The following TMEM132B variants were observed in gnomAD, a reference collection of about 807,000 sequenced individuals.
TMEM132B encodes transmembrane protein 132B.
A neutral mutation model predicts 90.8 loss-of-function variants in TMEM132B; 18 were observed. The ratio of observed to expected loss-of-function variants is 0.20; its 90% CI spans 0.14 to 0.29. TMEM132B has a LOEUF of 0.29. Ranked by LOEUF, TMEM132B falls within the 10% of genes least tolerant of loss-of-function variation. The probability of loss-of-function intolerance (pLI) is 1.00; values close to 1 mark genes in which losing one functional copy is unlikely to be tolerated. For synonymous variants in TMEM132B, 504 were observed against 523.3 expected, an observed-to-expected ratio of 0.96 and a Z score of 0.50; for missense variants, 1,096 against 1,326.8, an observed-to-expected ratio of 0.83 and a Z score of 2.70.
At chr12:125,563,623 G>A (rs1339019761) in intron 4 of TMEM132B, among the ~76,000 whole-genome samples, 1 of 150,716 alleles carries the variant, frequency 6.6e-6, no homozygotes, top group African/African-American at 2.5e-5. Context: ...CAGTATCTGT[G>A]AGGTGCAATA....
chr12:125,543,641 G>A (rs1411244934), intron 4 of TMEM132B, among the ~76,000 whole-genome samples: 1 of 152,116 alleles, frequency 6.6e-6, no homozygotes. Flanking sequence ...ATCCTTTTCC[G>A]TTGCTTGTTT....
In TMEM132B at chr12:125,575,057, CATATATAT is replaced by C. The variant is rs147688714; in HGVS notation, c.1294-8775_1294-8768del. 5.5e-4 allele frequency among the ~76,000 whole-genome samples: 24 copies of C among 43,886 alleles called. 3 individuals carry two copies. Among genetic ancestry groups the C allele is most frequent in the Admixed American group, 6.2e-4 (2 of 3,216 alleles). 28.8% of individuals were successfully genotyped at this position (43,886 alleles called of 152,430 possible). ...ATGAAATCCCAAACCTATTAGCTGT[CATATATAT>C]ATATATATATATATATATTCAGGAG... is the stretch of plus-strand genomic sequence containing the variant. On this transcript the variant is annotated intron_variant, in intron 4 of 8. Coordinates refer to ENST00000682704, the MANE Select transcript of TMEM132B (RefSeq NM_001366854.1).
At chr12:125,452,880 G>T (rs1881191206) in intron 3 of TMEM132B, among the ~76,000 whole-genome samples, 1 of 151,956 alleles carries the variant, frequency 6.6e-6, no homozygotes, top group Admixed American at 6.6e-5. Flanking sequence ...TTAAATTTAT[G>T]TATCAAATAT....
At chr12:125,427,108 A>G (rs1036884830) in intron 3 of TMEM132B, among the ~76,000 whole-genome samples, 2 of 152,192 alleles carry the variant, frequency 1.3e-5, no homozygotes, top group Admixed American at 6.5e-5. Context: ...ATGCTCTTAA[A>G]TGCAAAAATT....
intron 5 of TMEM132B, among the ~76,000 whole-genome samples, chr12:125,598,449 G>A (rs997845395): frequency 1.3e-5 from 2 of 152,020 alleles, no homozygotes; most frequent in Non-Finnish European, 2.9e-5. Context: ...ACTGAGGAAG[G>A]GTCTTTCAGT....
rs999857752 is a variant in TMEM132B, at chr12:125,583,865, G to A, written c.1308G>A (p.Leu436=). 1.1e-5 allele frequency: 17 copies of A among 1,613,942 alleles called. No homozygotes were observed. The highest frequency in any genetic ancestry group is 3.3e-5 in the Admixed American group (2 of 60,000). Residue 436 remains leucine, a synonymous_variant, in exon 5 of 9, where the codon TTG becomes TTA. Transcript: ENST00000682704. ...IVPLAMDTEV[L]NTAILTGKPV... is the part of the protein sequence containing the mutation. ...CTCCTGTTTAGGACACCGAGGTTTT[G>A]AACACTGCCATTCTCACTGGAAAGC...
At chr12:125,512,456 G>A (rs112417876) in intron 3 of TMEM132B, among the ~76,000 whole-genome samples, 1,847 of 152,216 alleles carry the variant, frequency 0.012, 13 homozygotes, top group Middle Eastern at 0.034. Flanking sequence ...GCAACCTCTG[G>A]GATTTCGATT....
intron 5 of TMEM132B, among the ~76,000 whole-genome samples, chr12:125,618,760 C>T (rs949683124): frequency 1.3e-5 from 2 of 152,084 alleles, no homozygotes; most frequent in African/African-American, 2.4e-5. Context: ...GCCAAGTCAT[C>T]TCCAAAGTCA....
intron 2 of TMEM132B, among the ~76,000 whole-genome samples, chr12:125,386,782 T>C (rs901506197): frequency 6.6e-6 from 1 of 152,224 alleles, no homozygotes; most frequent in African/African-American, 2.4e-5. Context: ...TTGAGTTTCC[T>C]GGTATGCAAA....
intron 4 of TMEM132B, among the ~76,000 whole-genome samples, chr12:125,558,626 C>T (rs1770390204): frequency 6.6e-6 from 1 of 152,186 alleles, no homozygotes; most frequent in Admixed American, 6.5e-5. Flanking sequence ...CAAAAATTGA[C>T]TGAAGTACTT....
At chr12:125,517,047 C>T (rs1180320386) in intron 3 of TMEM132B, among the ~76,000 whole-genome samples, 3 of 152,188 alleles carry the variant, frequency 2.0e-5, no homozygotes, top group African/African-American at 7.2e-5. Flanking sequence ...CTTTGCCTTT[C>T]ACTAAAGATA....
At chr12:125,559,457 G>T (rs1169624300) in intron 4 of TMEM132B, among the ~76,000 whole-genome samples, 1 of 152,166 alleles carries the variant, frequency 6.6e-6, no homozygotes, top group African/African-American at 2.4e-5. Flanking sequence ...ACTGAGATAA[G>T]TAATAAGAAA....
chr12:125,388,053 C>T (rs184831448), intron 2 of TMEM132B, among the ~76,000 whole-genome samples: 1 of 152,110 alleles, frequency 6.6e-6, no homozygotes, highest in Non-Finnish European at 1.5e-5. Context: ...ATACACGAGG[C>T]ATGGAGGGCT....
intron 1 of TMEM132B, among the ~76,000 whole-genome samples, chr12:125,334,594 G>C (rs1876893776): frequency 6.6e-6 from 1 of 152,204 alleles, no homozygotes. Flanking sequence ...GGGCAGCCTG[G>C]TTCCTCGGAG....
chr12:125,576,268 A>G (rs1566078785), intron 4 of TMEM132B, among the ~76,000 whole-genome samples: 1 of 151,982 alleles, frequency 6.6e-6, no homozygotes, highest in Non-Finnish European at 1.5e-5. Context: ...TCTTAATTTC[A>G]TTTATGTATT....
At position 125,563,608 on chromosome 12, in the gene TMEM132B, C is replaced by A. The variant is rs201889417; in HGVS notation, c.1294-20243C>A. On this transcript the variant is annotated intron_variant, in intron 4 of 8. Transcript: ENST00000682704. The stretch of plus-strand genomic sequence containing the variant: ...AAACAAACAAACAAACAAAAAAAAA[C>A]CCCACAGTATCTGTGAGGTGCAATA... Among the ~76,000 whole-genome samples the A allele has an allele frequency of 2.6e-3, 293 of 111,064 alleles. 1 individual carries two copies. Among genetic ancestry groups the A allele is most frequent in the Non-Finnish European group, 4.4e-3 (240 of 54,236 alleles). 72.9% of individuals were successfully genotyped at this position (111,064 alleles called of 152,430 possible).
At chr12:125,523,670 G>C (rs1883369165) in intron 4 of TMEM132B, among the ~76,000 whole-genome samples, 1 of 152,228 alleles carries the variant, frequency 6.6e-6, no homozygotes, top group South Asian at 2.1e-4. Context: ...CAAACTGGGT[G>C]CTCAGGGCTC....
chr12:125,466,958 A>T (rs1309112133), intron 3 of TMEM132B, among the ~76,000 whole-genome samples: 2 of 152,220 alleles, frequency 1.3e-5, no homozygotes, highest in Non-Finnish European at 2.9e-5. Flanking sequence ...TGCTCTAAGG[A>T]GGATTGGCAC....
At chr12:125,430,270 C>G (rs1880460269) in intron 3 of TMEM132B, among the ~76,000 whole-genome samples, 1 of 152,210 alleles carries the variant, frequency 6.6e-6, no homozygotes. Flanking sequence ...GGTGAGCGCA[C>G]TGGCCGGGGC....
Sources: allele counts gnomAD v4.1 joint callset (sites outside exome capture counted in the v4.1 genomes callset), GRCh38; gene constraint gnomAD v4.1.1; transcripts MANE v1.5; gene names NCBI Gene and HGNC (gene_info 2026-07-23, HGNC 2026-07-21).